DYNC2I1: variants seen among roughly 807,000 people sequenced by gnomAD.
DYNC2I1 encodes dynein 2 intermediate chain 1.
Under a neutral mutation model 133.4 loss-of-function variants are expected in DYNC2I1, and 89 were observed. The observed-to-expected ratio is 0.67, with a 90% CI of 0.56 to 0.80. The LOEUF (loss-of-function observed/expected upper bound fraction) is 0.80. DYNC2I1 is among the 30% of genes least tolerant of loss of function. The probability of loss-of-function intolerance (pLI) is 0.00; values close to 1 mark genes in which losing one functional copy is unlikely to be tolerated. For synonymous variants in DYNC2I1, 504 were observed against 484.3 expected, an observed-to-expected ratio of 1.04 and a Z score of -0.54; for missense variants, 1,291 against 1,314.5, an observed-to-expected ratio of 0.98 and a Z score of 0.28.
At chr7:158,840,456 ACT>A in the DYNC2I1 span, among the ~76,000 whole-genome samples, 1 of 152,062 alleles carries the variant, frequency 6.6e-6, no homozygotes, top group Non-Finnish European at 1.5e-5. Context: ...AATCCCAGCT[ACT>A]CGGGAGGCTG....
chr7:158,929,550 G>C (rs890042033), intron 20 of DYNC2I1, among the ~76,000 whole-genome samples: 4 of 152,224 alleles, frequency 2.6e-5, no homozygotes, highest in African/African-American at 7.2e-5. Flanking sequence ...GACGCCAGGT[G>C]GGGGGCATGC....
chr7:158,929,826 T>C (rs1183006579), intron 20 of DYNC2I1, among the ~76,000 whole-genome samples: 1 of 152,096 alleles, frequency 6.6e-6, no homozygotes, highest in African/African-American at 2.4e-5. Flanking sequence ...GCAAAACCAG[T>C]GGGTGGCCGA....
chr7:158,889,060 CA>C lies in DYNC2I1; in HGVS notation c.990+1986del, dbSNP rs1186037653. Among the ~76,000 whole-genome samples, 104 of 150,456 alleles carry C rather than the reference CA, an allele frequency of 6.9e-4. 1 individual carries two copies. Among genetic ancestry groups the C allele is most frequent in the African/African-American group, 2.2e-3 (89 of 41,046 alleles). ...TTACACACACACACACACACACACA[CA>C]CACACCCCTCCTGTTTTTCTTTTTT... On this transcript the variant is annotated intron_variant, in intron 7 of 24. Transcript: ENST00000407559.
chr7:158,864,469 A>G (rs1488033631), intron 1 of DYNC2I1, among the ~76,000 whole-genome samples: 3 of 152,106 alleles, frequency 2.0e-5, no homozygotes, highest in Non-Finnish European at 4.4e-5. Flanking sequence ...ATTTAGAAAC[A>G]TGTTATAAGC....
intron 11 of DYNC2I1, among the ~76,000 whole-genome samples, chr7:158,911,254 A>G (rs1847440123): frequency 6.6e-6 from 1 of 152,140 alleles, no homozygotes; most frequent in African/African-American, 2.4e-5. Flanking sequence ...GTGTGACTTG[A>G]TTTTGTGTTA....
chr7:158,869,098 G>A lies in DYNC2I1; in HGVS notation c.16-757G>A, dbSNP rs924368974. Among the ~76,000 whole-genome samples the A allele has an allele frequency of 5.3e-5, 8 of 152,288 alleles. 1 individual carries two copies. The highest frequency in any genetic ancestry group is 6.5e-5 in the Admixed American group (1 of 15,308). On this transcript the variant is annotated intron_variant, in intron 1 of 24. Transcript: ENST00000407559. ...GGGGCCTCGGCTGGGGAGACTTGAG[G>A]TTCAGGAGGTGGTGACTCATGAGGG...
chr7:158,870,015 T>A, intron 2 of DYNC2I1, 107 bp downstream of exon 2: 1 of 909,708 alleles, frequency 1.1e-6, no homozygotes, highest in Non-Finnish European at 1.7e-6. Flanking sequence ...TATGTGTGCC[T>A]CATTTCAGAA....
downstream of DYNC2I1, among the ~76,000 whole-genome samples, chr7:158,950,484 G>C (rs1344177464): frequency 1.2e-5 from 1 of 86,160 alleles, no homozygotes; most frequent in Non-Finnish European, 2.3e-5. Flanking sequence ...TGTTCTATAT[G>C]ATTCCAGGTG....
chr7:158,936,276 C>T (rs1276499352), intron 23 of DYNC2I1, among the ~76,000 whole-genome samples: 2 of 151,836 alleles, frequency 1.3e-5, no homozygotes, highest in Non-Finnish European at 2.9e-5. Context: ...TGGCTTCTCT[C>T]CCCACAAAAA....
chr7:158,930,504 G>T lies in DYNC2I1; in HGVS notation c.2535G>T (p.Gln845His). ...AGCTGGTACATAGTGCTCTGATCCA[G>T]TTGGGTGACAGGTAAGATGTGAGGG... ...RVKLVHSALIQLGDSLSHKGN... is the reference protein window; with the variant it reads ...RVKLVHSALIHLGDSLSHKGN... The change falls in exon 21 of 25, where the codon CAG becomes CAT. Residue 845 changes from glutamine to histidine, a missense_variant. Physicochemically the swap from Gln to His is conservative, Grantham distance 24 (BLOSUM62 0). Coordinates refer to ENST00000407559, the MANE Select transcript of DYNC2I1 (RefSeq NM_018051.5). 6.2e-7 allele frequency: 1 copy of T among 1,612,856 alleles called. No homozygotes were observed. The highest frequency in any genetic ancestry group is 1.3e-5 in the African/African-American group (1 of 75,042).
intron 24 of DYNC2I1, among the ~76,000 whole-genome samples, chr7:158,944,687 C>G (rs1283378028): frequency 1.3e-5 from 2 of 152,102 alleles, no homozygotes; most frequent in Non-Finnish European, 2.9e-5. Context: ...TGATTTTCAC[C>G]CCTGTAGTGA....
intron 5 of DYNC2I1, among the ~76,000 whole-genome samples, chr7:158,881,617 C>A (rs2129479265): frequency 6.6e-6 from 1 of 152,172 alleles, no homozygotes; most frequent in East Asian, 1.9e-4. Context: ...CCACTCCCGG[C>A]TAATTTTTTG....
chr7:158,882,166 C>T (rs551912875), intron 5 of DYNC2I1, among the ~76,000 whole-genome samples: 1 of 152,292 alleles, frequency 6.6e-6, no homozygotes, highest in South Asian at 2.1e-4. Context: ...ATCTGAGTGG[C>T]TTGTATGCTG....
At chr7:158,905,130 CTTTCTT>C in intron 10 of DYNC2I1, 1 of 352,038 alleles carries the variant, frequency 2.8e-6, no homozygotes, top group Non-Finnish European at 5.5e-6. Context: ...TTGTTCTTGT[CTTTCTT>C]TTTCTTTTTT....
intron 2 of DYNC2I1, among the ~76,000 whole-genome samples, chr7:158,870,638 G>A (rs1045292621): frequency 1.3e-5 from 2 of 152,104 alleles, no homozygotes; most frequent in Non-Finnish European, 2.9e-5. Flanking sequence ...CTCCCAAAGT[G>A]CTGGGATAAT....
chr7:158,859,840 C>T (rs1841715394), intron 1 of DYNC2I1, among the ~76,000 whole-genome samples: 2 of 152,134 alleles, frequency 1.3e-5, no homozygotes, highest in African/African-American at 2.4e-5. Flanking sequence ...CTGGATATTT[C>T]CTGGCAACTA....
intron 1 of DYNC2I1, chr7:158,869,501 T>G (rs763071106): frequency 7.8e-5 from 37 of 476,406 alleles, no homozygotes; most frequent in Non-Finnish European, 3.5e-5. Flanking sequence ...GTGAGTCTGT[T>G]GTGGCTGTTT....
chr7:158,857,539 T>G (rs1253823371), intron 1 of DYNC2I1, among the ~76,000 whole-genome samples: 1 of 124,062 alleles, frequency 8.1e-6, no homozygotes, highest in Non-Finnish European at 1.7e-5. Context: ...CTTAGGTTTT[T>G]GTTTTTTTTT....
At chr7:158,918,020 C>G (rs1384153179) in intron 14 of DYNC2I1, among the ~76,000 whole-genome samples, 1 of 152,052 alleles carries the variant, frequency 6.6e-6, no homozygotes, top group African/African-American at 2.4e-5. Flanking sequence ...CTTCCTCACT[C>G]TCACACAGTC....
Sources: allele counts gnomAD v4.1 joint callset (sites outside exome capture counted in the v4.1 genomes callset), GRCh38; gene constraint gnomAD v4.1.1; transcripts MANE v1.5; gene names NCBI Gene and HGNC (gene_info 2026-07-23, HGNC 2026-07-21).